The following MTTP variants were observed in gnomAD, a reference collection of about 807,000 sequenced individuals.
The protein encoded by MTTP is microsomal triglyceride transfer protein large subunit.
MTTP carries 49 observed loss-of-function variants against 90.6 expected under a neutral mutation model. The observed-to-expected ratio is 0.54, with a 90% CI of 0.43 to 0.69. The LOEUF (loss-of-function observed/expected upper bound fraction) is 0.69, where lower values mean the gene tolerates loss of function less well. MTTP is among the 30% of genes least tolerant of loss of function. The pLI is 0.00. For missense variants in MTTP, 945 were observed against 1,067.5 expected (o/e 0.89, Z 1.60); for synonymous variants, 347 against 384.2 (o/e 0.90, Z 1.13).
chr4:99,598,464 C>T (rs1725611223), intron 8 of MTTP, among the ~76,000 whole-genome samples: 1 of 151,966 alleles, frequency 6.6e-6, no homozygotes, highest in African/African-American at 2.4e-5. Flanking sequence ...TCCTAAAAAT[C>T]TTAAGGCAGC....
chr4:99,602,640 G>T (rs920202643), intron 10 of MTTP, among the ~76,000 whole-genome samples: 2 of 152,004 alleles, frequency 1.3e-5, no homozygotes, highest in African/African-American at 4.8e-5. Context: ...GTACTGAAAA[G>T]GCTTGGGTAT....
intron 10 of MTTP, among the ~76,000 whole-genome samples, 161 bp downstream of exon 10, chr4:99,601,875 TC>T (rs1725707474): frequency 6.6e-6 from 1 of 152,116 alleles, no homozygotes; most frequent in Non-Finnish European, 1.5e-5. Flanking sequence ...TAAAATTCAG[TC>T]ATTTATTATG....
intron 1 of MTTP, among the ~76,000 whole-genome samples, chr4:99,577,605 C>CAAAAAAAAAAA (rs10605949): frequency 2.0e-5 from 2 of 101,292 alleles, no homozygotes; most frequent in African/African-American, 3.5e-5. Flanking sequence ...AACTCTGTTT[C>CAAAAAAAAAAA]AAAAAAAAAA....
rs188480073 is a variant in MTTP at position 99,619,800 on chromosome 4, A to G, written c.2342+702A>G. On this transcript the variant is annotated intron_variant, in intron 16 of 17. Coordinates refer to ENST00000265517, the MANE Select transcript of MTTP (RefSeq NM_001386140.1). ...GCTATGGATGAAGGAACTGAGAGCA[A>G]TCAAACAGTAGCACATTTAATGTGA... Among the ~76,000 whole-genome samples the G allele has an allele frequency of 2.8e-3, 426 of 152,342 alleles. 1 individual carries two copies. The highest frequency in any genetic ancestry group is 6.8e-3 in the Middle Eastern group (2 of 294).
rs145662623 is a variant in MTTP, at chr4:99,589,393, G to A, written c.394-250G>A. Among the ~76,000 whole-genome samples the A allele has an allele frequency of 0.043, 6,544 of 152,006 alleles. 154 individuals carry two copies. The highest frequency in any genetic ancestry group is 0.056 in the Non-Finnish European group (3,824 of 67,958). ...TTCATGAGGCTCCCAGCCTATATCA[G>A]TGCTCTCTCCCAATGCTGTGCCCAT... is the stretch of plus-strand genomic sequence containing the variant. On this transcript the variant is annotated intron_variant, in intron 3 of 17. Coordinates refer to ENST00000265517, the MANE Select transcript of MTTP (RefSeq NM_001386140.1).
At chr4:99,580,765 G>A (rs2110211115) in intron 1 of MTTP, among the ~76,000 whole-genome samples, 1 of 152,112 alleles carries the variant, frequency 6.6e-6, no homozygotes, top group Admixed American at 6.5e-5. Context: ...GCAGATGATG[G>A]ATTTTTGACC....
At chr4:99,589,334 G>A (rs34678000) in intron 3 of MTTP, among the ~76,000 whole-genome samples, 1 of 151,928 alleles carries the variant, frequency 6.6e-6, no homozygotes, top group African/African-American at 2.4e-5. Context: ...CAAACAGAAT[G>A]TTCATCATTT....
At chr4:99,566,297 G>GAAAAAAAAAAAAAAAAAAA (rs567380343) in intron 1 of MTTP, among the ~76,000 whole-genome samples, 1 of 117,534 alleles carries the variant, frequency 8.5e-6, no homozygotes. Context: ...TCAAAAAAAA[G>GAAAAAAAAAAAAAAAAAAA]AAAAAAAAAA....
At chr4:99,609,735 A>G (rs943046111) in intron 12 of MTTP, among the ~76,000 whole-genome samples, 5 of 152,188 alleles carry the variant, frequency 3.3e-5, no homozygotes, top group Non-Finnish European at 7.4e-5. Flanking sequence ...ACAAGGACTA[A>G]GACTGAAGGA....
intron 4 of MTTP, 61 bp downstream of exon 4, chr4:99,589,811 A>C: frequency 8.6e-7 from 1 of 1,158,360 alleles, no homozygotes; most frequent in Non-Finnish European, 1.3e-6. Context: ...ATTTCTACTT[A>C]TACAATTTCA....
chr4:99,622,433 T>C (rs555647110), intron 17 of MTTP, among the ~76,000 whole-genome samples: 8 of 152,266 alleles, frequency 5.3e-5, no homozygotes, highest in African/African-American at 1.9e-4. Context: ...TGAAATGAAT[T>C]TAGTCTTTCA....
intron 12 of MTTP, 85 bp from the exon 13 acceptor site, chr4:99,611,058 A>C: frequency 6.8e-7 from 1 of 1,468,636 alleles, no homozygotes; most frequent in Non-Finnish European, 9.5e-7. Flanking sequence ...TCTTTTTTCC[A>C]CTGAGGATTT....
At chr4:99,577,808 A>T (rs1233387011) in intron 1 of MTTP, among the ~76,000 whole-genome samples, 1 of 152,044 alleles carries the variant, frequency 6.6e-6, no homozygotes, top group Non-Finnish European at 1.5e-5. Context: ...GACTATTTTC[A>T]GCGCCTTCTC....
chr4:99,617,046 A>T (rs968797121), intron 15 of MTTP, among the ~76,000 whole-genome samples: 23 of 152,240 alleles, frequency 1.5e-4, no homozygotes, highest in Non-Finnish European at 2.9e-5. Context: ...GAGGCACACC[A>T]TAGCTTTCAT....
At chr4:99,582,762 A>G (rs1725151444) in intron 2 of MTTP, among the ~76,000 whole-genome samples, 2 of 152,174 alleles carry the variant, frequency 1.3e-5, no homozygotes. Context: ...ACACAGGACA[A>G]AGTACTTGGA....
intron 3 of MTTP, among the ~76,000 whole-genome samples, chr4:99,587,182 C>T (rs1415653672): frequency 6.6e-6 from 1 of 152,138 alleles, no homozygotes; most frequent in Non-Finnish European, 1.5e-5. Flanking sequence ...TACAAGGCAG[C>T]TCAATTCTAA....
At chr4:99,589,613 A>T (rs749756055) in intron 3 of MTTP, 30 bp from the exon 4 acceptor site, 9 of 1,316,322 alleles carry the variant, frequency 6.8e-6, no homozygotes, top group Non-Finnish European at 5.5e-6. Flanking sequence ...TTTTTGCTTC[A>T]TTTGTGTTCT....
chr4:99,574,533 G>A (rs1006575274), upstream of MTTP, among the ~76,000 whole-genome samples: 1 of 152,160 alleles, frequency 6.6e-6, no homozygotes, highest in Admixed American at 6.5e-5. Context: ...TGATGATTAT[G>A]TATTAAGCAG....
chr4:99,598,762 C>T (rs1043165428), intron 8 of MTTP, among the ~76,000 whole-genome samples: 2 of 141,954 alleles, frequency 1.4e-5, no homozygotes, highest in African/African-American at 5.3e-5. Context: ...CTTCAGGGTT[C>T]AAGCAATTAT....
Sources: allele counts gnomAD v4.1 joint callset (sites outside exome capture counted in the v4.1 genomes callset), GRCh38; gene constraint gnomAD v4.1.1; transcripts MANE v1.5; gene names NCBI Gene and HGNC (gene_info 2026-07-23, HGNC 2026-07-21).